NCAM2: variants seen among roughly 807,000 people sequenced by gnomAD.
NCAM2 encodes the protein neural cell adhesion molecule 2.
In NCAM2, 30 loss-of-function variants were observed where a neutral mutation model predicts 98.1. The ratio of observed to expected loss-of-function variants is 0.31; its 90% CI spans 0.23 to 0.41. NCAM2 has a LOEUF of 0.41. Ranked by LOEUF, NCAM2 falls within the 10% of genes least tolerant of loss-of-function variation. The pLI is 1.00. For synonymous variants in NCAM2, 368 were observed against 342.4 expected, an observed-to-expected ratio of 1.07 and a Z score of -0.83; for missense variants, 867 against 1,005.8, an observed-to-expected ratio of 0.86 and a Z score of 1.87.
chr21:21,491,030 G>A (rs959334562), intron 15 of NCAM2, among the ~76,000 whole-genome samples: 4 of 151,530 alleles, frequency 2.6e-5, no homozygotes, highest in Admixed American at 2.0e-4. Flanking sequence ...TGTCCTTGTC[G>A]AGTGTTGTCA....
chr21:21,299,853 A>G (rs765321578), intron 5 of NCAM2, among the ~76,000 whole-genome samples: 2 of 151,972 alleles, frequency 1.3e-5, no homozygotes, highest in Non-Finnish European at 2.9e-5. Context: ...ACCAACATCC[A>G]TGGGATACCA....
In NCAM2 at chr21:21,315,202, A is replaced by G. The variant is rs75833920; in HGVS notation, c.620-9181A>G. ...GTCAGATCTGTCCTGCATGTGTACC[A>G]ATGGCCATTCCAGGACCCATATGGA... On this transcript the variant is annotated intron_variant, in intron 5 of 17. Coordinates refer to ENST00000400546, the MANE Select transcript of NCAM2 (RefSeq NM_004540.5). Among the ~76,000 whole-genome samples the G allele has an allele frequency of 7.6e-3, 1,160 of 152,256 alleles. 18 individuals are homozygous for G. Among genetic ancestry groups the G allele is most frequent in the African/African-American group, 0.026 (1,085 of 41,548 alleles).
chr21:21,031,822 AC>A (rs2064690175), intron 1 of NCAM2, among the ~76,000 whole-genome samples: 1 of 152,060 alleles, frequency 6.6e-6, no homozygotes, highest in African/African-American at 2.4e-5. Context: ...ACACACACAC[AC>A]ACACACTCAC....
At chr21:21,140,718 C>T (rs1200898898) in intron 1 of NCAM2, among the ~76,000 whole-genome samples, 1 of 150,862 alleles carries the variant, frequency 6.6e-6, no homozygotes, top group East Asian at 1.9e-4. Context: ...TTCAGACCAC[C>T]ATGAAGAAAG....
chr21:21,454,090 C>G (rs1484875696), intron 12 of NCAM2, among the ~76,000 whole-genome samples: 2 of 151,858 alleles, frequency 1.3e-5, no homozygotes, highest in Non-Finnish European at 2.9e-5. Flanking sequence ...GACCACCTAC[C>G]CTTTTCTAAA....
At chr21:21,284,500 C>A in intron 3 of NCAM2, 100 bp downstream of exon 3, 1 of 873,830 alleles carries the variant, frequency 1.1e-6, no homozygotes, top group Non-Finnish European at 1.8e-6. Context: ...GAACTATGTG[C>A]TTTGAAAATA....
At chr21:21,195,684 AT>A (rs1216205321) in intron 1 of NCAM2, among the ~76,000 whole-genome samples, 14 of 152,312 alleles carry the variant, frequency 9.2e-5, no homozygotes, top group Admixed American at 7.8e-4. Context: ...ATGACTAAAA[AT>A]TATTCTGATG....
At chr21:21,354,567 C>T (rs2147957845) in intron 8 of NCAM2, among the ~76,000 whole-genome samples, 1 of 152,284 alleles carries the variant, frequency 6.6e-6, no homozygotes, top group South Asian at 2.1e-4. Context: ...ATCCACCCTC[C>T]CCCAGTGGTT....
intron 1 of NCAM2, among the ~76,000 whole-genome samples, chr21:21,004,000 T>A (rs1208712608): frequency 6.6e-6 from 1 of 152,144 alleles, no homozygotes; most frequent in Admixed American, 6.5e-5. Context: ...TGGACCAACA[T>A]CAGGCTGGTG....
intron 8 of NCAM2, among the ~76,000 whole-genome samples, chr21:21,359,318 C>T (rs2075580672): frequency 1.3e-5 from 2 of 151,906 alleles, no homozygotes; most frequent in African/African-American, 2.4e-5. Context: ...TAGAAATCTT[C>T]CTTGATGCTT....
intron 1 of NCAM2, among the ~76,000 whole-genome samples, chr21:21,144,210 G>A (rs1349847730): frequency 1.3e-5 from 2 of 151,924 alleles, no homozygotes; most frequent in Non-Finnish European, 2.9e-5. Flanking sequence ...TTAGCCAGGT[G>A]TGGTGGTGCA....
intron 1 of NCAM2, among the ~76,000 whole-genome samples, chr21:21,165,746 T>C (rs2067931527): frequency 1.3e-5 from 2 of 152,242 alleles, no homozygotes; most frequent in African/African-American, 4.8e-5. Flanking sequence ...TTATATTTAA[T>C]CACAGAACAA....
At chr21:21,147,366 G>C in intron 1 of NCAM2, 1 of 867,454 alleles carries the variant, frequency 1.2e-6, no homozygotes, top group Non-Finnish European at 1.4e-6. Context: ...ATTTAGAGTA[G>C]AAGGAAAATT....
At chr21:21,209,961 A>T (rs1266658933) in intron 1 of NCAM2, among the ~76,000 whole-genome samples, 1 of 152,320 alleles carries the variant, frequency 6.6e-6, no homozygotes, top group East Asian at 1.9e-4. Context: ...AGAATTTCTT[A>T]GCAATAACTC....
intron 1 of NCAM2, among the ~76,000 whole-genome samples, chr21:21,106,283 G>A (rs917035084): frequency 2.4e-5 from 3 of 122,680 alleles, no homozygotes; most frequent in African/African-American, 1.1e-4. Flanking sequence ...ACTCCAGCCT[G>A]TGCAACAGAA....
chr21:21,101,705 G>GCAAAGAATTTCAGCAAAA (rs1285023232), intron 1 of NCAM2, among the ~76,000 whole-genome samples: 2 of 152,158 alleles, frequency 1.3e-5, no homozygotes, highest in East Asian at 3.9e-4. Context: ...ACAGTCATGT[G>GCAAAGAATTTCAGCAAAA]TTCTTTGCTG....
At chr21:21,018,041 G>C (rs1047717365) in intron 1 of NCAM2, among the ~76,000 whole-genome samples, 1 of 152,070 alleles carries the variant, frequency 6.6e-6, no homozygotes. Flanking sequence ...TACGTTATTA[G>C]TTCTTTGCTG....
intron 5 of NCAM2, among the ~76,000 whole-genome samples, chr21:21,318,862 C>T (rs116029933): frequency 0.017 from 2,623 of 152,136 alleles, 75 homozygotes; most frequent in African/African-American, 0.06. Context: ...TATATATTGA[C>T]ATAAATATGT....
intron 1 of NCAM2, among the ~76,000 whole-genome samples, chr21:21,061,623 T>C (rs911237967): frequency 1.5e-5 from 2 of 131,542 alleles, no homozygotes; most frequent in Non-Finnish European, 3.2e-5. Flanking sequence ...TCTTTTTGAA[T>C]CTTTTCTTAT....
Sources: allele counts gnomAD v4.1 joint callset (sites outside exome capture counted in the v4.1 genomes callset), GRCh38; gene constraint gnomAD v4.1.1; transcripts MANE v1.5; gene names NCBI Gene and HGNC (gene_info 2026-07-23, HGNC 2026-07-21).